Variants in BICD2 observed in about 807,000 individuals in gnomAD.
The protein encoded by BICD2 is protein bicaudal D homolog 2.
Under a neutral mutation model 72.9 loss-of-function variants are expected in BICD2, and 25 were observed. The observed-to-expected ratio is 0.34, with a 90% CI of 0.25 to 0.48. BICD2 has a LOEUF of 0.48. Ranked by LOEUF, BICD2 falls within the 20% of genes least tolerant of loss-of-function variation. The probability of loss-of-function intolerance (pLI) is 0.99; values close to 1 mark genes in which losing one functional copy is unlikely to be tolerated. For missense variants in BICD2, 894 were observed against 1,175.2 expected (o/e 0.76, Z 3.50); for synonymous variants, 501 against 516.1 (o/e 0.97, Z 0.40).
intron 3 of BICD2, 21 bp downstream of exon 3, chr9:92,722,635 C>T: frequency 6.2e-7 from 1 of 1,613,800 alleles, no homozygotes; most frequent in Non-Finnish European, 8.5e-7. Context: ...GCCACCTCCA[C>T]CCCACAGGCC....
chr9:92,730,978 T>C lies in BICD2; in HGVS notation c.241-1742A>G, dbSNP rs570625996. Among the ~76,000 whole-genome samples the C allele has an allele frequency of 7.9e-5, 12 of 152,312 alleles. No individual in the cohort carries two copies. In the East Asian group the frequency reaches 2.3e-3, roughly 29 times the overall value. ...CTAGTCCCAAGGAAGGTCCAAATCA[T>C]AATGTCTACACAGCACCTCATCCAC... On this transcript the variant is annotated intron_variant, in intron 1 of 6. Transcript: ENST00000356884.
intron 2 of BICD2, 104 bp from the exon 3 acceptor site, chr9:92,722,912 A>C (rs1853494246): frequency 2.8e-6 from 4 of 1,440,984 alleles, no homozygotes; most frequent in Non-Finnish European, 3.8e-6. Context: ...CCAGAACTCA[A>C]GAGCCCTGGC....
intron 2 of BICD2, among the ~76,000 whole-genome samples, chr9:92,728,792 C>T (rs1479800641): frequency 1.3e-5 from 2 of 152,264 alleles, no homozygotes; most frequent in Non-Finnish European, 2.9e-5. Flanking sequence ...ATGAGTGAGA[C>T]AGAAGCAAGC....
At chr9:92,717,750 G>A in intron 6 of BICD2, 47 bp downstream of exon 6, 1 of 1,552,842 alleles carries the variant, frequency 6.4e-7, no homozygotes. Context: ...AAGTGCTGAG[G>A]ACAGCTGGCC....
intron 3 of BICD2, among the ~76,000 whole-genome samples, chr9:92,721,309 C>T (rs1265738406): frequency 2.6e-5 from 4 of 152,130 alleles, no homozygotes; most frequent in African/African-American, 9.7e-5. Flanking sequence ...AGAAACTCCC[C>T]GCAAGGCAGA....
rs371451237 is a variant in BICD2, at chr9:92,722,645, C to A, written c.606+11G>T. 1 of 1,613,992 alleles carries A rather than the reference C, an allele frequency of 6.2e-7. No homozygotes were observed. Among genetic ancestry groups the A allele is most frequent in the African/African-American group, 1.3e-5 (1 of 74,920 alleles). On this transcript the variant is annotated intron_variant, in intron 3 of 6. Transcript: ENST00000356884. ...CACGTGCCACCTCCACCCCACAGGC[C>A]CAAGACTCACCTGGTTCTGTCTGAG...
In BICD2 at chr9:92,718,750, G is replaced by C. The variant is rs780545089; in HGVS notation, c.1895C>G (p.Ala632Gly). The part of the protein sequence containing the change: ...REPMNIYNLI[A>G]IIRDQIKHLQ... ...GTGCTTGATCTGGTCACGGATGATA[G>C]CGATCAGGTTGTAGATGTTCATGGG... The change falls in exon 5 of 7, where the codon GCT (alanine) becomes GGT (glycine). Residue 632 changes from alanine (A) to glycine (G), a missense_variant. Physicochemically the swap from Ala to Gly is moderately conservative, Grantham distance 60 (BLOSUM62 0). This residue lies in a region of BICD2 where 321 missense variants were observed against 443.9 expected (regional missense o/e 0.72). Transcript: ENST00000356884. The C allele has an allele frequency of 1.9e-6, 3 of 1,613,996 alleles. No homozygotes were observed. In the South Asian group the frequency reaches 3.3e-5, roughly 18 times the overall value.
Position 92,717,962 on chromosome 9 carries a change from G to A in BICD2, c.2107-14C>T, listed in dbSNP as rs750330886. 1 of 1,610,540 alleles carries A rather than the reference G, an allele frequency of 6.2e-7. No individual in the cohort carries two copies. Among genetic ancestry groups the A allele is most frequent in the Non-Finnish European group, 8.5e-7 (1 of 1,178,714 alleles). On this transcript the variant is annotated splice_polypyrimidine_tract_variant and intron_variant, in intron 5 of 6. Coordinates refer to ENST00000356884, the MANE Select transcript of BICD2 (RefSeq NM_001003800.2). The stretch of plus-strand genomic sequence containing the variant: ...CACCTCGGCCGTCTGGGGGACAGAT[G>A]TGTAGGGTGGAAAAGTGAAAGGCGT...
At chr9:92,760,782 C>T (rs532358283) in intron 1 of BICD2, among the ~76,000 whole-genome samples, 2 of 152,290 alleles carry the variant, frequency 1.3e-5, no homozygotes, top group Admixed American at 1.3e-4. Context: ...ACCACCCAGC[C>T]CCCTGAAAGG....
Position 92,729,061 on chromosome 9 carries a change from T to G in BICD2, c.416A>C (p.Asn139Thr). The stretch of plus-strand genomic sequence containing the variant: ...CTGGGCCACAGAGGCCAGGCGCTCA[T>G]TCTCCGACTGCGTGTTGGTGAGGAC... The part of the protein sequence containing the change: ...RNVLTNTQSE[N>T]ERLASVAQEL... Residue 139 changes from asparagine (N) to threonine (T), a missense_variant, in exon 2 of 7, where the codon AAT (asparagine) becomes ACT (threonine). Around this residue, in one of 5 missense-constraint regions of BICD2, gnomAD observed 192 missense variants for 243.6 expected, o/e 0.79. Transcript: ENST00000356884. 6.2e-7 allele frequency: 1 copy of G among 1,614,242 alleles called. No homozygotes were observed. Among genetic ancestry groups the G allele is most frequent in the Non-Finnish European group, 8.5e-7 (1 of 1,180,044 alleles).
At chr9:92,748,204 T>A (rs1399090773) in intron 1 of BICD2, among the ~76,000 whole-genome samples, 1 of 151,938 alleles carries the variant, frequency 6.6e-6, no homozygotes, top group African/African-American at 2.4e-5. Flanking sequence ...CTGTCCTGGG[T>A]CTTCCCCTTA....
chr9:92,723,216 C>T (rs968179819), intron 2 of BICD2, among the ~76,000 whole-genome samples: 13 of 152,238 alleles, frequency 8.5e-5, no homozygotes, highest in Non-Finnish European at 1.8e-4. Context: ...CACAGAGGGT[C>T]TACCCCAGAG....
intron 1 of BICD2, among the ~76,000 whole-genome samples, chr9:92,734,144 A>G (rs543010148): frequency 2.0e-5 from 3 of 152,340 alleles, no homozygotes; most frequent in Admixed American, 6.5e-5. Context: ...CACACAAAAG[A>G]GTATATGTTG....
chr9:92,715,599 G>A (rs1445285465), intron 6 of BICD2, 136 bp from the exon 7 acceptor site: 1 of 834,832 alleles, frequency 1.2e-6, no homozygotes, highest in South Asian at 2.0e-5. Context: ...TGGACTGGAG[G>A]GTGTGGCTGG....
At chr9:92,751,950 G>A (rs1854159396) in intron 1 of BICD2, among the ~76,000 whole-genome samples, 2 of 151,574 alleles carry the variant, frequency 1.3e-5, no homozygotes, top group Admixed American at 6.6e-5. Flanking sequence ...GATTACAGGC[G>A]CCCACCACCA....
chr9:92,749,468 T>C (rs1854101611), intron 1 of BICD2, among the ~76,000 whole-genome samples: 1 of 152,190 alleles, frequency 6.6e-6, no homozygotes, highest in East Asian at 1.9e-4. Flanking sequence ...AGGGCTGTGG[T>C]GCTTGTCACC....
intron 1 of BICD2, among the ~76,000 whole-genome samples, chr9:92,760,773 C>A (rs1219284793): frequency 6.6e-6 from 1 of 152,130 alleles, no homozygotes; most frequent in Non-Finnish European, 1.5e-5. Flanking sequence ...ACCACTGCCA[C>A]CACCCAGCCC....
intron 1 of BICD2, among the ~76,000 whole-genome samples, chr9:92,746,107 A>G (rs1854007613): frequency 6.6e-6 from 1 of 152,244 alleles, no homozygotes; most frequent in South Asian, 2.1e-4. Context: ...CTCCTGACAC[A>G]TGGTCCCTCC....
At position 92,718,841 on chromosome 9, in the gene BICD2, T is replaced by C. The variant is rs941771966; in HGVS notation, c.1804A>G (p.Thr602Ala). Residue 602 changes from threonine to alanine, a missense_variant, in exon 5 of 7, where the codon ACG becomes GCG. Thr to Ala is a moderately conservative substitution (Grantham distance 58). Around this residue, in one of 5 missense-constraint regions of BICD2, gnomAD observed 321 missense variants for 443.9 expected, o/e 0.72. Transcript: ENST00000356884. ...CCAGGCGAGGGGCTGCTGTCCCCCG[T>C]CCCACCATCTGCTCGGCCCGCCTCA... ...APEAGRADGG[T>A]GDSSPSPGSS... is the part of the protein sequence containing the mutation. The C allele has an allele frequency of 2.5e-6, 4 of 1,608,236 alleles. No individual in the cohort carries two copies. In the African/African-American group the frequency reaches 4.0e-5, roughly 16 times the overall value.
Sources: allele counts gnomAD v4.1 joint callset (sites outside exome capture counted in the v4.1 genomes callset), GRCh38; gene constraint gnomAD v4.1.1; regional missense constraint gnomAD v4.1.1; transcripts MANE v1.5; gene names NCBI Gene and HGNC (gene_info 2026-07-23, HGNC 2026-07-21).